The following ADGRL3 variants were observed in gnomAD, a reference collection of about 807,000 sequenced individuals.
ADGRL3 encodes the protein calcium-independent alpha-latrotoxin receptor 3.
In ADGRL3, 62 loss-of-function variants were observed where a neutral mutation model predicts 153.5. The ratio of observed to expected loss-of-function variants is 0.40; its 90% CI spans 0.33 to 0.50. The LOEUF is 0.50. ADGRL3 is among the 20% of genes least tolerant of loss of function. The pLI, the probability that ADGRL3 is intolerant of heterozygous loss-of-function variation, is 0.47. For synonymous variants in ADGRL3, 710 were observed against 672.5 expected (o/e 1.06, Z -0.86); for missense variants, 1,641 against 1,859.4 (o/e 0.88, Z 2.16).
chr4:61,245,911 C>T (rs973308374), intron 1 of ADGRL3, among the ~76,000 whole-genome samples: 7 of 151,986 alleles, frequency 4.6e-5, no homozygotes, highest in South Asian at 2.1e-4. Flanking sequence ...CCTTATTCTT[C>T]GTCTTTATTT....
rs764592228 is a variant in ADGRL3 at position 62,070,155 on chromosome 4, A to G, written c.3879A>G (p.Leu1293=). ...NARDTSVMDT[L]PLNGNHGNSY... Reference sequence around the variant, plus strand: ...GGGATACAAGTGTCATGGATACTCTACCACTGAATGGTAACCATGGCAATA... The same window carrying G: ...GGGATACAAGTGTCATGGATACTCTGCCACTGAATGGTAACCATGGCAATA... Residue 1293 remains leucine, a synonymous_variant, in exon 27 of 27, where the codon CTA becomes CTG. Coordinates refer to ENST00000683033, the MANE Select transcript of ADGRL3 (RefSeq NM_001387552.1). 19 of 1,614,032 alleles carry G rather than the reference A, an allele frequency of 1.2e-5. 1 individual carries two copies. Among genetic ancestry groups the G allele is most frequent in the South Asian group, 8.8e-5 (8 of 91,084 alleles).
intron 2 of ADGRL3, chr4:61,427,139 CA>C (rs1312618624): frequency 2.0e-5 from 3 of 152,238 alleles, no homozygotes; most frequent in Non-Finnish European, 4.4e-5. Context: ...GAGCTCAACA[CA>C]AGTTCCCTCA....
intron 1 of ADGRL3, among the ~76,000 whole-genome samples, chr4:61,301,132 T>C (rs2094570428): frequency 6.6e-6 from 1 of 152,222 alleles, no homozygotes; most frequent in African/African-American, 2.4e-5. Flanking sequence ...TTGATAAAGC[T>C]GCAGATTATG....
chr4:61,421,532 G>A (rs886498830), intron 2 of ADGRL3, among the ~76,000 whole-genome samples: 1 of 151,880 alleles, frequency 6.6e-6, no homozygotes, highest in African/African-American at 2.4e-5. Context: ...TATTTATTTG[G>A]CCTGCTTATT....
chr4:61,777,366 G>T (rs1217685291), intron 8 of ADGRL3, among the ~76,000 whole-genome samples: 4 of 152,058 alleles, frequency 2.6e-5, no homozygotes, highest in African/African-American at 7.2e-5. Context: ...CTAAAAAAAG[G>T]TTTTTTAATT....
At chr4:61,364,771 T>TA in intron 1 of ADGRL3, among the ~76,000 whole-genome samples, 1 of 152,270 alleles carries the variant, frequency 6.6e-6, no homozygotes. Flanking sequence ...TGAGAGACAA[T>TA]AATCATCACC....
chr4:61,832,616 G>A (rs887670397), intron 9 of ADGRL3, among the ~76,000 whole-genome samples: 1 of 152,072 alleles, frequency 6.6e-6, no homozygotes, highest in Non-Finnish European at 1.5e-5. Flanking sequence ...TGCCCTAATA[G>A]CAGGGACCTC....
At chr4:61,854,737 T>A (rs1163557392) in intron 9 of ADGRL3, among the ~76,000 whole-genome samples, 1 of 152,174 alleles carries the variant, frequency 6.6e-6, no homozygotes, top group East Asian at 1.9e-4. Flanking sequence ...AAAGTAAGTT[T>A]TCACTTGAGA....
intron 1 of ADGRL3, among the ~76,000 whole-genome samples, chr4:61,263,766 A>G (rs1041024598): frequency 2.6e-5 from 4 of 152,038 alleles, no homozygotes; most frequent in African/African-American, 7.2e-5. Flanking sequence ...CCAGGGAGAT[A>G]TAAGTATTGA....
At chr4:61,247,285 C>A (rs1264822678) in intron 1 of ADGRL3, among the ~76,000 whole-genome samples, 4 of 151,982 alleles carry the variant, frequency 2.6e-5, no homozygotes, top group African/African-American at 9.7e-5. Flanking sequence ...CATTCTGTTG[C>A]AATTCAGAGA....
Position 61,413,462 on chromosome 4 carries a change from CT to C in ADGRL3, c.-174+30278del, listed in dbSNP as rs980348762. Among the ~76,000 whole-genome samples, 39 of 152,014 alleles carry C rather than the reference CT, an allele frequency of 2.6e-4. 2 individuals carry two copies. The highest frequency in any genetic ancestry group is 7.4e-5 in the Non-Finnish European group (5 of 68,010). On this transcript the variant is annotated intron_variant, in intron 2 of 26. Coordinates refer to ENST00000683033, the MANE Select transcript of ADGRL3 (RefSeq NM_001387552.1). ...CCCCACTAGCCCTGCCTAACACCAC[CT>C]TTTTGGGGGTTGCATAGAGGTGCCG...
intron 1 of ADGRL3, among the ~76,000 whole-genome samples, chr4:61,336,496 A>G (rs1225883109): frequency 6.7e-6 from 1 of 148,814 alleles, no homozygotes; most frequent in East Asian, 2.0e-4. Flanking sequence ...GAGACGGTCT[A>G]TCTGTTTGGG....
intron 5 of ADGRL3, among the ~76,000 whole-genome samples, chr4:61,650,438 T>A (rs1481413143): frequency 6.6e-6 from 1 of 152,164 alleles, no homozygotes; most frequent in African/African-American, 2.4e-5. Context: ...GTTATATTAT[T>A]AACCCTGTGC....
At chr4:61,972,996 T>C (rs2099034645) in intron 17 of ADGRL3, among the ~76,000 whole-genome samples, 1 of 152,040 alleles carries the variant, frequency 6.6e-6, no homozygotes. Flanking sequence ...TAAAATTATT[T>C]TTTTCAAAAA....
chr4:61,750,342 A>C (rs2096738445), intron 8 of ADGRL3, among the ~76,000 whole-genome samples: 1 of 152,190 alleles, frequency 6.6e-6, no homozygotes, highest in Admixed American at 6.5e-5. Flanking sequence ...AGGGAGTTTT[A>C]ATAATTAAAA....
rs1475793456 is a variant in ADGRL3, at chr4:62,054,736, C to T, written c.3814+10187C>T. Among the ~76,000 whole-genome samples, 3 of 151,522 alleles carry T rather than the reference C, an allele frequency of 2.0e-5. No homozygotes were observed. In the East Asian group the frequency reaches 5.8e-4, roughly 29 times the overall value. On this transcript the variant is annotated intron_variant, in intron 25 of 26. Transcript: ENST00000683033. Reference sequence around the variant, plus strand: ...AACAACATATATAAAAAACAAAATGCTAGTGCCCATGTTGTATAAAGAATG... The same window carrying T: ...AACAACATATATAAAAAACAAAATGTTAGTGCCCATGTTGTATAAAGAATG...
intron 9 of ADGRL3, among the ~76,000 whole-genome samples, chr4:61,864,740 G>C (rs895418968): frequency 6.6e-6 from 1 of 152,168 alleles, no homozygotes; most frequent in Non-Finnish European, 1.5e-5. Flanking sequence ...CGATTCTTTT[G>C]AATCTGGTGC....
At chr4:61,449,478 A>T (rs2097648448) in intron 2 of ADGRL3, among the ~76,000 whole-genome samples, 1 of 152,028 alleles carries the variant, frequency 6.6e-6, no homozygotes, top group Non-Finnish European at 1.5e-5. Context: ...ATTTGGATAA[A>T]AAAGATAAAT....
At chr4:61,309,657 AT>A (rs1314697731) in intron 1 of ADGRL3, among the ~76,000 whole-genome samples, 1 of 152,090 alleles carries the variant, frequency 6.6e-6, no homozygotes, top group Non-Finnish European at 1.5e-5. Flanking sequence ...TAGAGTCTTA[AT>A]TTTTAGATGT....
Sources: allele counts gnomAD v4.1 joint callset (sites outside exome capture counted in the v4.1 genomes callset), GRCh38; gene constraint gnomAD v4.1.1; transcripts MANE v1.5; gene names NCBI Gene and HGNC (gene_info 2026-07-23, HGNC 2026-07-21).